The following ANKRD7 variants were observed in gnomAD, a reference collection of about 807,000 sequenced individuals.
ANKRD7 encodes ankyrin repeat domain-containing protein 7.
In ANKRD7, 30 loss-of-function variants were observed where a neutral mutation model predicts 30.8. That is an observed-to-expected ratio of 0.97 (90% CI 0.73 to 1.32). The LOEUF (loss-of-function observed/expected upper bound fraction) is 1.32, where lower values mean the gene tolerates loss of function less well. Among genes scored for constraint, ANKRD7 ranks in the 40% most tolerant of loss-of-function variants. The probability of loss-of-function intolerance (pLI) is 0.00; values close to 1 mark genes in which losing one functional copy is unlikely to be tolerated. For missense variants in ANKRD7, 264 were observed against 295.7 expected, an observed-to-expected ratio of 0.89 and a Z score of 0.79; for synonymous variants, 97 against 106.6, an observed-to-expected ratio of 0.91 and a Z score of 0.55.
At chr7:118,226,610 C>T (rs1287801176) in intron 1 of ANKRD7, among the ~76,000 whole-genome samples, 1 of 152,140 alleles carries the variant, frequency 6.6e-6, no homozygotes, top group African/African-American at 2.4e-5. Flanking sequence ...TAAAGTTCTT[C>T]ATCCTGTTTT....
At chr7:118,231,921 G>C (rs551495680) in intron 1 of ANKRD7, among the ~76,000 whole-genome samples, 1 of 152,172 alleles carries the variant, frequency 6.6e-6, no homozygotes, top group East Asian at 1.9e-4. Flanking sequence ...AGTACCATGA[G>C]TTAAGAAGTA....
chr7:118,234,347 C>A, intron 1 of ANKRD7, 84 bp from the exon 2 acceptor site: 2 of 755,796 alleles, frequency 2.6e-6, no homozygotes, highest in African/African-American at 1.8e-5. Context: ...TACCAATGTA[C>A]AATCTGGCTT....
intron 3 of ANKRD7, 145 bp from the exon 4 acceptor site, chr7:118,235,896 C>A (rs532616844): frequency 2.0e-6 from 1 of 505,990 alleles, no homozygotes; most frequent in South Asian, 3.4e-5. Context: ...TCTTTGAAAT[C>A]ACATTTTTTT....
At chr7:118,242,240 G>A (rs1183994461) in intron 6 of ANKRD7, 109 bp from the exon 7 acceptor site, 1 of 152,114 alleles carries the variant, frequency 6.6e-6, no homozygotes, top group Non-Finnish European at 1.5e-5. Flanking sequence ...ATATAGAAAT[G>A]CTAAATTATA....
chr7:118,225,952 C>A (rs539728592), intron 1 of ANKRD7, among the ~76,000 whole-genome samples: 1 of 152,106 alleles, frequency 6.6e-6, no homozygotes, highest in African/African-American at 2.4e-5. Flanking sequence ...ATGAATAAGC[C>A]GTACTATTCA....
intron 1 of ANKRD7, among the ~76,000 whole-genome samples, chr7:118,227,377 C>T (rs1459450552): frequency 6.6e-6 from 1 of 152,136 alleles, no homozygotes; most frequent in African/African-American, 2.4e-5. Flanking sequence ...TAGTGGGTCT[C>T]TTTCTTATCA....
chr7:118,232,398 T>G (rs1175517106), intron 1 of ANKRD7, among the ~76,000 whole-genome samples: 2 of 152,232 alleles, frequency 1.3e-5, no homozygotes, highest in African/African-American at 4.8e-5. Flanking sequence ...TGAGTGAATA[T>G]TGTGAACTTT....
intron 3 of ANKRD7, among the ~76,000 whole-genome samples, chr7:118,235,636 G>C (rs200369391): frequency 8.9e-5 from 13 of 145,488 alleles, no homozygotes; most frequent in Non-Finnish European, 1.2e-4. Flanking sequence ...AAAAAAAAGC[G>C]TATTGATACT....
intron 4 of ANKRD7, among the ~76,000 whole-genome samples, chr7:118,236,496 A>G (rs572204978): frequency 3.5e-4 from 53 of 152,298 alleles, no homozygotes; most frequent in African/African-American, 1.2e-3. Flanking sequence ...GTCCCAAGAC[A>G]CATTCCTTCA....
intron 1 of ANKRD7, among the ~76,000 whole-genome samples, chr7:118,231,869 C>G (rs1809645761): frequency 6.6e-6 from 1 of 151,948 alleles, no homozygotes; most frequent in African/African-American, 2.4e-5. Flanking sequence ...ACCTAGAAAC[C>G]AGTACTAAGC....
chr7:118,231,659 G>A (rs928990518), intron 1 of ANKRD7, among the ~76,000 whole-genome samples: 2 of 152,038 alleles, frequency 1.3e-5, no homozygotes, highest in African/African-American at 2.4e-5. Flanking sequence ...TTTCACTTCA[G>A]CTTTCAAAGT....
At chr7:118,240,632 A>G (rs1444030093) in intron 6 of ANKRD7, among the ~76,000 whole-genome samples, 1 of 152,136 alleles carries the variant, frequency 6.6e-6, no homozygotes, top group Admixed American at 6.5e-5. Context: ...CCATTGTCTC[A>G]TGTCTAGCTA....
intron 1 of ANKRD7, among the ~76,000 whole-genome samples, chr7:118,229,517 A>G (rs547310871): frequency 2.6e-5 from 4 of 152,262 alleles, no homozygotes; most frequent in Non-Finnish European, 5.9e-5. Flanking sequence ...AAATAAATGA[A>G]TGAAAGGATG....
intron 4 of ANKRD7, 30 bp from the exon 5 acceptor site, chr7:118,236,760 A>G (rs558514279): frequency 6.6e-5 from 106 of 1,603,884 alleles, no homozygotes; most frequent in Non-Finnish European, 8.3e-5. Context: ...AGATCTTTAC[A>G]TGGGCATTCA....
chr7:118,227,271 T>C (rs1338198779), intron 1 of ANKRD7, among the ~76,000 whole-genome samples: 1 of 152,160 alleles, frequency 6.6e-6, no homozygotes, highest in African/African-American at 2.4e-5. Context: ...CCCCAAACTT[T>C]GTTGTTGTCA....
intron 4 of ANKRD7, among the ~76,000 whole-genome samples, 200 bp from the exon 5 acceptor site, chr7:118,236,572 GCTAGCTGCTTCCTAGGTA>G (rs770670104): frequency 2.0e-4 from 31 of 152,250 alleles, no homozygotes; most frequent in Non-Finnish European, 4.4e-4. Flanking sequence ...AAATGATTGA[GCTAGCTGCTTCCTAGGTA>G]CTGTTCATGT....
At chr7:118,227,370 T>C (rs1047496442) in intron 1 of ANKRD7, among the ~76,000 whole-genome samples, 1 of 152,170 alleles carries the variant, frequency 6.6e-6, no homozygotes, top group African/African-American at 2.4e-5. Context: ...TGGGAGGTAG[T>C]GGGTCTCTTT....
At position 118,236,208 on chromosome 7, in the gene ANKRD7, GTA is replaced by G. The variant is rs1284688067; in HGVS notation, c.575+63_575+64del. ...CTACCTGATAGGATTGTGTGTGTGC[GTA>G]TGTGTGTGTGTGTGTGTGTGTGTGT... On this transcript the variant is annotated intron_variant, in intron 4 of 6. Transcript: ENST00000265224. The G allele has an allele frequency of 4.8e-5, 40 of 831,406 alleles. 2 individuals carry two copies. Among genetic ancestry groups the G allele is most frequent in the Admixed American group, 1.8e-4 (7 of 38,400 alleles). The allele number at this position is 831,406 out of a possible 1,614,324, so 51.5% of individuals were successfully genotyped here. A position where few individuals can be genotyped will look rare whatever the true frequency, so the allele number is the denominator to read the frequency against.
intron 1 of ANKRD7, among the ~76,000 whole-genome samples, chr7:118,231,913 T>G (rs1809646596): frequency 1.3e-5 from 2 of 152,128 alleles, no homozygotes; most frequent in Admixed American, 6.5e-5. Flanking sequence ...TTAGATTAAG[T>G]ACCATGAGTT....
Sources: gnomAD v4.1 joint callset for allele counts (sites outside exome capture counted in the v4.1 genomes callset) on GRCh38, gnomAD v4.1.1 for gene constraint, MANE v1.5 for transcripts, NCBI Gene and HGNC (gene_info 2026-07-23, HGNC 2026-07-21) for gene names.